The following ARHGEF28 variants were observed in gnomAD, a reference collection of about 807,000 sequenced individuals.
ARHGEF28 encodes Rho guanine nucleotide exchange factor 28, also known as 190 kDa guanine nucleotide exchange factor.
ARHGEF28 carries 152 observed loss-of-function variants against 206.6 expected under a neutral mutation model. The observed-to-expected ratio is 0.74, with a 90% CI of 0.64 to 0.84. The LOEUF (loss-of-function observed/expected upper bound fraction) is 0.84. ARHGEF28 is among the 40% of genes least tolerant of loss of function. The pLI is 0.00. For missense variants in ARHGEF28, 2,028 were observed against 2,073.2 expected, an observed-to-expected ratio of 0.98 and a Z score of 0.42; for synonymous variants, 763 against 776.4, an observed-to-expected ratio of 0.98 and a Z score of 0.29.
intron 11 of ARHGEF28, among the ~76,000 whole-genome samples, chr5:73,845,263 A>G (rs1187748128): frequency 2.0e-5 from 3 of 152,080 alleles, no homozygotes; most frequent in East Asian, 1.9e-4. Flanking sequence ...TGATCCGCCC[A>G]CCTTGGCCTC....
At chr5:73,912,565 A>T (rs1246500262) in intron 35 of ARHGEF28, among the ~76,000 whole-genome samples, 36 of 152,234 alleles carry the variant, frequency 2.4e-4, no homozygotes, top group Admixed American at 2.3e-3. Context: ...AAAGATGTTG[A>T]TTCTTAATAG....
chr5:73,652,661 C>T (rs902155013), intron 1 of ARHGEF28, among the ~76,000 whole-genome samples: 1 of 152,098 alleles, frequency 6.6e-6, no homozygotes, highest in South Asian at 2.1e-4. Flanking sequence ...AATATTGCTC[C>T]GAAAAGGTCA....
chr5:73,861,371 A>G (rs1261105989), intron 16 of ARHGEF28, among the ~76,000 whole-genome samples: 1 of 152,258 alleles, frequency 6.6e-6, no homozygotes, highest in East Asian at 1.9e-4. Context: ...ATAAGGTTTA[A>G]GCAGAAACTT....
chr5:73,743,366 A>G (rs1040969115), intron 2 of ARHGEF28, among the ~76,000 whole-genome samples: 1 of 151,894 alleles, frequency 6.6e-6, no homozygotes, highest in Non-Finnish European at 1.5e-5. Context: ...CATTGTTTCC[A>G]TGACTTTTTA....
intron 33 of ARHGEF28, among the ~76,000 whole-genome samples, chr5:73,906,672 T>A (rs1158300249): frequency 6.6e-6 from 1 of 152,240 alleles, no homozygotes. Flanking sequence ...TCATCTCTTA[T>A]TCTATGATTT....
intron 26 of ARHGEF28, among the ~76,000 whole-genome samples, chr5:73,888,514 T>C (rs772043136): frequency 3.3e-4 from 51 of 152,266 alleles, no homozygotes; most frequent in Middle Eastern, 3.4e-3. Context: ...TGTGGGATGG[T>C]GAGGGCCATG....
chr5:73,741,381 GTGTGTATATATATA>G (rs1751401864), intron 2 of ARHGEF28, among the ~76,000 whole-genome samples: 10 of 26,688 alleles, frequency 3.7e-4, no homozygotes, highest in Admixed American at 3.5e-3. Context: ...GTGTGTGTGT[GTGTGTATATATATA>G]TATATATATA....
intron 11 of ARHGEF28, among the ~76,000 whole-genome samples, chr5:73,845,476 C>T (rs1425347289): frequency 1.3e-5 from 2 of 152,038 alleles, no homozygotes; most frequent in African/African-American, 4.8e-5. Context: ...TCCCGAGCTT[C>T]CCAGCTGAGG....
At chr5:73,734,600 A>G (rs1750804243) in intron 2 of ARHGEF28, among the ~76,000 whole-genome samples, 1 of 152,166 alleles carries the variant, frequency 6.6e-6, no homozygotes, top group South Asian at 2.1e-4. Context: ...CTCATAAGCT[A>G]GTGCTTGTAC....
chr5:73,913,959 A>G (rs1483723777), intron 35 of ARHGEF28, among the ~76,000 whole-genome samples: 1 of 152,178 alleles, frequency 6.6e-6, no homozygotes, highest in Non-Finnish European at 1.5e-5. Context: ...ATCAGCTCAG[A>G]TCAGTGAAAA....
intron 35 of ARHGEF28, chr5:73,923,231 G>T (rs2111981767): frequency 7.1e-7 from 1 of 1,418,170 alleles, no homozygotes; most frequent in Non-Finnish European, 9.4e-7. Context: ...ACATAATTTG[G>T]TTTTTAAAAT....
Position 73,846,284 on chromosome 5 carries a change from T to C in ARHGEF28, c.1444T>C (p.Leu482=), listed in dbSNP as rs754181874. ...LKKRSSSLDA[L]DADSEGEGHS... is the part of the protein sequence containing the mutation. The stretch of plus-strand genomic sequence containing the variant: ...GTGCTTTAGTTCTAGCCTTGATGCC[T>C]TGGACGCCGACAGTGAAGGGGAAGG... The change falls in exon 12 of 36, where the codon TTG becomes CTG. Residue 482 remains leucine, a synonymous_variant. Coordinates refer to ENST00000513042, the MANE Select transcript of ARHGEF28 (RefSeq NM_001177693.2). 1.2e-6 allele frequency: 2 copies of C among 1,613,398 alleles called. No individual in the cohort carries two copies. Among genetic ancestry groups the C allele is most frequent in the African/African-American group, 2.7e-5 (2 of 74,878 alleles).
chr5:73,756,993 T>C (rs1013116882), intron 4 of ARHGEF28, among the ~76,000 whole-genome samples: 6 of 152,228 alleles, frequency 3.9e-5, no homozygotes, highest in African/African-American at 1.4e-4. Flanking sequence ...GTATACTCTA[T>C]GGATGTATTT....
At chr5:73,682,075 C>T (rs1486100163) in intron 1 of ARHGEF28, among the ~76,000 whole-genome samples, 1 of 152,186 alleles carries the variant, frequency 6.6e-6, no homozygotes, top group Non-Finnish European at 1.5e-5. Flanking sequence ...CAGAGTGATA[C>T]TGTTTCAAAT....
chr5:73,695,369 C>T (rs1473337214), intron 2 of ARHGEF28, among the ~76,000 whole-genome samples: 3 of 151,990 alleles, frequency 2.0e-5, no homozygotes, highest in Admixed American at 6.5e-5. Context: ...CTCTTTTTCT[C>T]GCGAGCTCAT....
chr5:73,639,356 A>G (rs1743929606), intron 1 of ARHGEF28, among the ~76,000 whole-genome samples: 1 of 151,598 alleles, frequency 6.6e-6, no homozygotes, highest in Non-Finnish European at 1.5e-5. Flanking sequence ...ACAGAGAGAC[A>G]TTTGTAATTA....
intron 9 of ARHGEF28, among the ~76,000 whole-genome samples, chr5:73,808,904 A>G (rs1755670595): frequency 6.6e-6 from 1 of 152,062 alleles, no homozygotes; most frequent in Non-Finnish European, 1.5e-5. Context: ...TTCCTTGCAC[A>G]TTGCCATGTC....
rs376180632 is a variant in ARHGEF28 at position 73,753,122 on chromosome 5, T to C, written c.395T>C (p.Leu132Ser). 6.3e-7 allele frequency: 1 copy of C among 1,584,784 alleles called. No homozygotes were observed. The highest frequency in any genetic ancestry group is 1.3e-5 in the African/African-American group (1 of 74,540). Residue 132 changes from leucine to serine, a missense_variant, in exon 4 of 36, where the codon TTG becomes TCG. Around this residue, in one of 3 missense-constraint regions of ARHGEF28, gnomAD observed 1,002 missense variants for 1,015.3 expected, o/e 0.99. Transcript: ENST00000513042. ...TTGACGGCAGGAGCACTGCCTGCCT[T>C]GGATGAGGAGCTCGTGCTGGCTCTG... ...FALTAGALPA[L>S]DEELVLALTH...
chr5:73,843,157 T>A (rs1758094056), intron 11 of ARHGEF28, among the ~76,000 whole-genome samples: 1 of 152,208 alleles, frequency 6.6e-6, no homozygotes, highest in Non-Finnish European at 1.5e-5. Flanking sequence ...TTATACTTTC[T>A]GATCATGGTC....
Sources: allele counts gnomAD v4.1 joint callset (sites outside exome capture counted in the v4.1 genomes callset), GRCh38; gene constraint gnomAD v4.1.1; regional missense constraint gnomAD v4.1.1; transcripts MANE v1.5; gene names NCBI Gene and HGNC (gene_info 2026-07-23, HGNC 2026-07-21).